Variants in PTPRG observed in about 807,000 individuals in gnomAD.
The protein encoded by PTPRG is protein tyrosine phosphatase receptor type G.
Under a neutral mutation model 165.3 loss-of-function variants are expected in PTPRG, and 102 were observed. The observed-to-expected ratio is 0.62, with a 90% CI of 0.53 to 0.73. PTPRG has a LOEUF of 0.73. PTPRG is among the 30% of genes least tolerant of loss of function. PTPRG has a pLI of 0.00. For synonymous variants in PTPRG, 675 were observed against 669.5 expected (o/e 1.01, Z -0.13); for missense variants, 1,866 against 1,861.4 (o/e 1.00, Z -0.05).
At chr3:61,829,387 G>A (rs2036206031) in intron 2 of PTPRG, among the ~76,000 whole-genome samples, 1 of 152,194 alleles carries the variant, frequency 6.6e-6, no homozygotes, top group African/African-American at 2.4e-5. Context: ...CTGTTTCCGT[G>A]GCCAGGGCCA....
At chr3:61,576,072 C>T (rs115270451) in intron 1 of PTPRG, among the ~76,000 whole-genome samples, 2,480 of 152,270 alleles carry the variant, frequency 0.016, 34 homozygotes, top group Middle Eastern at 0.027. Context: ...GATCCCACAG[C>T]GAATAAAGTG....
At chr3:61,743,538 A>G (rs1162743664) in intron 1 of PTPRG, among the ~76,000 whole-genome samples, 3 of 152,104 alleles carry the variant, frequency 2.0e-5, no homozygotes, top group Non-Finnish European at 4.4e-5. Flanking sequence ...TTAAAATGTC[A>G]TTAGAGATGA....
intron 4 of PTPRG, among the ~76,000 whole-genome samples, chr3:62,070,179 C>T (rs1701163791): frequency 1.3e-5 from 2 of 152,108 alleles, no homozygotes; most frequent in African/African-American, 4.8e-5. Flanking sequence ...GTTACTTAGA[C>T]AATGGTTTGA....
At chr3:61,911,576 G>T (rs193108732) in intron 2 of PTPRG, among the ~76,000 whole-genome samples, 8 of 152,082 alleles carry the variant, frequency 5.3e-5, no homozygotes, top group Admixed American at 5.2e-4. Context: ...TTTAATAGGG[G>T]ATGTATTTTA....
intron 1 of PTPRG, among the ~76,000 whole-genome samples, chr3:61,587,001 G>T (rs150092389): frequency 6.2e-4 from 95 of 152,300 alleles, no homozygotes; most frequent in African/African-American, 2.1e-3. Context: ...ATGGCCCATT[G>T]CAGGGGCCAC....
chr3:61,870,478 T>A (rs1447945479), intron 2 of PTPRG, among the ~76,000 whole-genome samples: 1 of 91,048 alleles, frequency 1.1e-5, no homozygotes, highest in East Asian at 6.3e-4. Flanking sequence ...ACACCTAGCT[T>A]TTTTTTTTTT....
At position 62,130,835 on chromosome 3, in the gene PTPRG, C is replaced by T. The variant is rs532241209; in HGVS notation, c.616-1767C>T. ...TACCTTTCAAGAATGTTTCACGCTTCAGTCCCTGGCTTGAGCTTCTTCTCA... is the reference window on the plus strand; with the variant it reads ...TACCTTTCAAGAATGTTTCACGCTTTAGTCCCTGGCTTGAGCTTCTTCTCA... On this transcript the variant is annotated intron_variant, in intron 5 of 29. Coordinates refer to ENST00000474889, the MANE Select transcript of PTPRG (RefSeq NM_002841.4). 2.4e-3 allele frequency among the ~76,000 whole-genome samples: 373 copies of T among 152,290 alleles called. 2 individuals carry two copies. Among genetic ancestry groups the T allele is most frequent in the Non-Finnish European group, 3.7e-3 (251 of 68,032 alleles).
chr3:61,718,277 G>T (rs2031902757), intron 1 of PTPRG, among the ~76,000 whole-genome samples: 1 of 149,278 alleles, frequency 6.7e-6, no homozygotes, highest in Non-Finnish European at 1.5e-5. Context: ...ATTCAGGGAA[G>T]AATTTGTTAG....
At chr3:61,988,854 C>A (rs1020694448) in intron 2 of PTPRG, among the ~76,000 whole-genome samples, 1 of 152,120 alleles carries the variant, frequency 6.6e-6, no homozygotes, top group African/African-American at 2.4e-5. Flanking sequence ...GACAGGGAGG[C>A]AAATGCAGTG....
chr3:61,583,081 C>T (rs1700342709), intron 1 of PTPRG, among the ~76,000 whole-genome samples: 1 of 152,126 alleles, frequency 6.6e-6, no homozygotes, highest in Admixed American at 6.5e-5. Flanking sequence ...GGGCTTATTC[C>T]TAGAGATGAA....
At chr3:62,171,177 A>G (rs1384740322) in intron 8 of PTPRG, among the ~76,000 whole-genome samples, 3 of 152,164 alleles carry the variant, frequency 2.0e-5, no homozygotes, top group Non-Finnish European at 2.9e-5. Flanking sequence ...GTATACATGC[A>G]TATGTAGATT....
intron 2 of PTPRG, among the ~76,000 whole-genome samples, chr3:61,837,433 A>G (rs887258423): frequency 1.3e-5 from 2 of 152,186 alleles, no homozygotes; most frequent in Non-Finnish European, 2.9e-5. Flanking sequence ...CAGTAAAGTA[A>G]CTGGAAGTTG....
chr3:61,601,994 A>C (rs1217351924), intron 1 of PTPRG, among the ~76,000 whole-genome samples: 1 of 152,208 alleles, frequency 6.6e-6, no homozygotes, highest in African/African-American at 2.4e-5. Context: ...CCTTCAGCCA[A>C]CACTGACGTT....
intron 2 of PTPRG, chr3:61,771,138 T>A (rs1209877888): frequency 1.3e-5 from 2 of 152,192 alleles, no homozygotes; most frequent in Admixed American, 6.5e-5. Context: ...TTTTGCCTTT[T>A]TTATGCAGAA....
At chr3:61,608,906 T>C (rs1701087280) in intron 1 of PTPRG, among the ~76,000 whole-genome samples, 3 of 152,184 alleles carry the variant, frequency 2.0e-5, no homozygotes, top group Admixed American at 2.0e-4. Flanking sequence ...AAGATAATAC[T>C]CCATCTGAGG....
chr3:62,000,286 A>C (rs529101441), intron 3 of PTPRG, among the ~76,000 whole-genome samples: 1,744 of 151,790 alleles, frequency 0.011, 18 homozygotes, highest in Non-Finnish European at 0.017. Flanking sequence ...GTCTCCAAAA[A>C]AAAAAAAAAA....
At chr3:61,936,290 A>T (rs566462085) in intron 2 of PTPRG, among the ~76,000 whole-genome samples, 1 of 152,366 alleles carries the variant, frequency 6.6e-6, no homozygotes, top group South Asian at 2.1e-4. Flanking sequence ...TGGGACAGGT[A>T]CTAGTTCTAT....
chr3:61,881,230 G>C (rs1343930713), intron 2 of PTPRG, among the ~76,000 whole-genome samples: 1 of 152,156 alleles, frequency 6.6e-6, no homozygotes, highest in East Asian at 1.9e-4. Context: ...GTCTGTGCTT[G>C]TAAAGTCATG....
At chr3:62,277,526 AT>A (rs751465619) in intron 25 of PTPRG, 24 bp from the exon 26 acceptor site, 24 of 1,603,422 alleles carry the variant, frequency 1.5e-5, no homozygotes, top group African/African-American at 1.3e-5. Context: ...ATATTCACTG[AT>A]TTTTTTTGTC....
Sources: allele counts gnomAD v4.1 joint callset (sites outside exome capture counted in the v4.1 genomes callset), GRCh38; gene constraint gnomAD v4.1.1; transcripts MANE v1.5; gene names NCBI Gene and HGNC (gene_info 2026-07-23, HGNC 2026-07-21).